MCM10: variants seen among roughly 807,000 people sequenced by gnomAD.
MCM10 encodes protein MCM10 homolog.
Under a neutral mutation model 109.9 loss-of-function variants are expected in MCM10, and 91 were observed. That is an observed-to-expected ratio of 0.83 (90% CI 0.70 to 0.99). MCM10 has a LOEUF of 0.99. Ranked by LOEUF, MCM10 falls within the 50% of genes least tolerant of loss-of-function variation. The pLI is 0.00. For synonymous variants in MCM10, 380 were observed against 387.2 expected (o/e 0.98, Z 0.22); for missense variants, 1,077 against 1,061.2 (o/e 1.01, Z -0.21).
intron 6 of MCM10, among the ~76,000 whole-genome samples, chr10:13,178,592 A>G (rs187706278): frequency 5.3e-5 from 8 of 152,296 alleles, no homozygotes; most frequent in Non-Finnish European, 7.4e-5. Context: ...TGCCAGTACC[A>G]TGCTGTTTTG....
At chr10:13,167,181 G>A (rs1259643038) in intron 2 of MCM10, among the ~76,000 whole-genome samples, 1 of 152,150 alleles carries the variant, frequency 6.6e-6, no homozygotes, top group Non-Finnish European at 1.5e-5. Flanking sequence ...GCATGGTAGC[G>A]AGTCTTTCTC....
intron 15 of MCM10, 76 bp from the exon 16 acceptor site, chr10:13,198,613 G>T: frequency 1.1e-6 from 1 of 895,410 alleles, no homozygotes; most frequent in South Asian, 1.4e-5. Context: ...GGGAGTGGGA[G>T]GGAGTAGAGT....
intron 14 of MCM10, among the ~76,000 whole-genome samples, chr10:13,196,006 T>TCATCCAC (rs1444833214): frequency 6.6e-6 from 1 of 151,976 alleles, no homozygotes; most frequent in Admixed American, 6.6e-5. Flanking sequence ...CAGGATCGAT[T>TCATCCAC]CATCCACCTG....
rs1834650136 is a variant in MCM10 at position 13,210,704 on chromosome 10, C to G, written c.*1394C>G. On this transcript the variant is annotated 3_prime_UTR_variant, in exon 20 of 20. Coordinates refer to ENST00000378714, the MANE Select transcript of MCM10 (RefSeq NM_018518.5). ...CTAAGGTTATGTCCTAATAACTATT[C>G]TTTTAGGAGTATACTTCTACTTTAT... 1 of 152,090 alleles carries G rather than the reference C, an allele frequency of 6.6e-6. No homozygotes were observed. Among genetic ancestry groups the G allele is most frequent in the Non-Finnish European group, 1.5e-5 (1 of 68,000 alleles). The allele number at this position is 152,090 out of a possible 1,614,324, so 9.4% of individuals were successfully genotyped here.
chr10:13,191,643 C>G (rs945320386), intron 11 of MCM10, among the ~76,000 whole-genome samples: 1 of 152,146 alleles, frequency 6.6e-6, no homozygotes, highest in Admixed American at 6.5e-5. Context: ...TAATAAGAAT[C>G]CAGTCATCAC....
intron 1 of MCM10, among the ~76,000 whole-genome samples, chr10:13,162,177 G>C (rs1269518596): frequency 6.6e-6 from 1 of 152,204 alleles, no homozygotes. Flanking sequence ...GTGTGTTCCA[G>C]AAGGTGGAAG....
intron 9 of MCM10, among the ~76,000 whole-genome samples, chr10:13,187,934 C>T (rs1327217988): frequency 2.6e-5 from 4 of 152,084 alleles, no homozygotes; most frequent in Non-Finnish European, 5.9e-5. Context: ...CACTTGAGGC[C>T]AGGAGTTCAA....
At chr10:13,192,612 T>C in intron 13 of MCM10, 44 bp downstream of exon 13, 1 of 1,539,448 alleles carries the variant, frequency 6.5e-7, no homozygotes, top group Non-Finnish European at 9.0e-7. Context: ...GTCATCCATC[T>C]CAGGCGTCCT....
At chr10:13,162,203 G>A (rs1438249277) in intron 1 of MCM10, among the ~76,000 whole-genome samples, 1 of 152,198 alleles carries the variant, frequency 6.6e-6, no homozygotes, top group East Asian at 1.9e-4. Context: ...TGGCCCGGCT[G>A]GAGCATCGTT....
chr10:13,204,998 G>GTGTATATATA (rs1834554957), intron 18 of MCM10, among the ~76,000 whole-genome samples: 2 of 19,564 alleles, frequency 1.0e-4, no homozygotes, highest in Admixed American at 1.1e-3. Flanking sequence ...ATGTATGTAT[G>GTGTATATATA]TATGTATATA....
At position 13,200,011 on chromosome 10, in the gene MCM10, A is replaced by G. The variant is rs894078693; in HGVS notation, c.2238+1204A>G. ...GGGAGGTTTTGTTTTTTTTGAGACA[A>G]GGTCTTTTTCTGTCCCCCATCAGGG... On this transcript the variant is annotated intron_variant, in intron 16 of 19. Transcript: ENST00000378714. Among the ~76,000 whole-genome samples the G allele has an allele frequency of 3.3e-5, 5 of 151,770 alleles. No homozygotes were observed. The South Asian group carries it at 1.0e-3, about 32-fold the overall frequency.
At chr10:13,175,451 A>G in intron 5 of MCM10, 59 bp from the exon 6 acceptor site, 1 of 1,466,980 alleles carries the variant, frequency 6.8e-7, no homozygotes. Flanking sequence ...ACAAATTTCC[A>G]AATTCCGTTC....
At chr10:13,194,983 C>A in intron 13 of MCM10, 58 bp from the exon 14 acceptor site, 1 of 1,525,842 alleles carries the variant, frequency 6.6e-7, no homozygotes, top group South Asian at 1.2e-5. Flanking sequence ...ACTTTGAGTT[C>A]TAGAGTTTTT....
chr10:13,179,109 T>C (rs1378437399), intron 6 of MCM10, among the ~76,000 whole-genome samples: 1 of 152,244 alleles, frequency 6.6e-6, no homozygotes, highest in African/African-American at 2.4e-5. Context: ...TGGTGGAGTC[T>C]TCAGGTTTTT....
intron 10 of MCM10, among the ~76,000 whole-genome samples, chr10:13,190,246 A>G (rs1469445197): frequency 6.6e-6 from 1 of 152,242 alleles, no homozygotes; most frequent in Non-Finnish European, 1.5e-5. Flanking sequence ...CTTTTTTAAC[A>G]GTAAGCATGT....
At chr10:13,191,142 A>ATGCT (rs1369429455) in intron 10 of MCM10, among the ~76,000 whole-genome samples, 157 bp from the exon 11 acceptor site, 1 of 152,128 alleles carries the variant, frequency 6.6e-6, no homozygotes, top group Non-Finnish European at 1.5e-5. Context: ...TAAACCAGTT[A>ATGCT]TGCTATTGGG....
chr10:13,205,190 C>T (rs1271627619), intron 18 of MCM10, among the ~76,000 whole-genome samples: 2 of 151,930 alleles, frequency 1.3e-5, no homozygotes, highest in African/African-American at 4.8e-5. Context: ...TCTCCTCCCT[C>T]GCCCCCTCCC....
rs376624218 is a variant in MCM10, at chr10:13,183,098, G to A, written c.1096G>A (p.Glu366Lys). 2.5e-6 allele frequency: 4 copies of A among 1,607,670 alleles called. No individual in the cohort carries two copies. The African/African-American group carries it at 5.4e-5, about 22-fold the overall frequency. The change falls in exon 8 of 20, where the codon GAG (glutamate) becomes AAG (lysine). Residue 366 changes from glutamate to lysine, a missense_variant and splice_region_variant. Transcript: ENST00000378714. ...CATGAAGCCCAAGGATGGTTCAGAG[G>A]AGGTAAGAGCCTGTTTCTGGGATTT... Reference protein sequence around the residue: ...NPMKPKDGSEEVCLSIDHPQK... With the variant: ...NPMKPKDGSEKVCLSIDHPQK...
At chr10:13,190,028 G>T (rs1025992491) in intron 10 of MCM10, among the ~76,000 whole-genome samples, 13 of 152,216 alleles carry the variant, frequency 8.5e-5, no homozygotes, top group African/African-American at 3.1e-4. Flanking sequence ...TTATGAATTT[G>T]TGTTGGGCCG....
Sources: allele counts gnomAD v4.1 joint callset (sites outside exome capture counted in the v4.1 genomes callset), GRCh38; gene constraint gnomAD v4.1.1; transcripts MANE v1.5; gene names NCBI Gene and HGNC (gene_info 2026-07-23, HGNC 2026-07-21).